The following NREP variants were observed in gnomAD, a reference collection of about 807,000 sequenced individuals.
The protein encoded by NREP is neuronal regeneration-related protein.
In NREP, 5 loss-of-function variants were observed where a neutral mutation model predicts 8.6. The ratio of observed to expected loss-of-function variants is 0.58; its 90% CI spans 0.30 to 1.22. NREP has a LOEUF of 1.22. Among genes scored for constraint, NREP ranks in the 50% most tolerant of loss-of-function variants. The probability of loss-of-function intolerance (pLI) is 0.07; values close to 1 mark genes in which losing one functional copy is unlikely to be tolerated. For missense variants in NREP, 86 were observed against 82.5 expected, an observed-to-expected ratio of 1.04 and a Z score of -0.17; for synonymous variants, 27 against 28.0, an observed-to-expected ratio of 0.96 and a Z score of 0.11.
chr5:111,790,727 G>A (rs1357514278), intron 2 of NREP, among the ~76,000 whole-genome samples: 1 of 151,986 alleles, frequency 6.6e-6, no homozygotes, highest in Non-Finnish European at 1.5e-5. Flanking sequence ...ACACAAGGTT[G>A]TCATTAAAAT....
chr5:111,803,668 T>C (rs1206706513), intron 2 of NREP, among the ~76,000 whole-genome samples: 2 of 152,212 alleles, frequency 1.3e-5, no homozygotes, highest in Admixed American at 6.5e-5. Context: ...AGCAAGAATA[T>C]TTAGCATAAT....
intron 2 of NREP, among the ~76,000 whole-genome samples, chr5:111,780,004 T>C (rs905855573): frequency 2.6e-5 from 4 of 152,204 alleles, no homozygotes; most frequent in Admixed American, 2.6e-4. Flanking sequence ...AAAACTTAAG[T>C]GGATAGTGCT....
chr5:111,821,014 C>T (rs1201452898), intron 2 of NREP, among the ~76,000 whole-genome samples: 2 of 152,272 alleles, frequency 1.3e-5, no homozygotes, highest in East Asian at 3.9e-4. Flanking sequence ...CCCAGTCTTT[C>T]AGATTTCAGT....
At chr5:111,823,491 T>C (rs1042106342) in intron 2 of NREP, among the ~76,000 whole-genome samples, 2 of 152,208 alleles carry the variant, frequency 1.3e-5, no homozygotes, top group African/African-American at 4.8e-5. Context: ...AATATACTTT[T>C]TCCCTAAGAA....
intron 2 of NREP, among the ~76,000 whole-genome samples, chr5:111,959,838 G>A (rs984079667): frequency 9.9e-5 from 15 of 151,918 alleles, no homozygotes; most frequent in Non-Finnish European, 1.9e-4. Flanking sequence ...TTTTCAAGCT[G>A]TATATTGTGG....
chr5:111,887,225 A>G (rs1007837300), intron 2 of NREP, among the ~76,000 whole-genome samples: 14 of 152,134 alleles, frequency 9.2e-5, no homozygotes, highest in African/African-American at 3.1e-4. Context: ...TGCCCAGTGT[A>G]CATAAACCTT....
intron 2 of NREP, among the ~76,000 whole-genome samples, chr5:111,792,493 T>C (rs1298473953): frequency 6.6e-6 from 1 of 152,192 alleles, no homozygotes; most frequent in Non-Finnish European, 1.5e-5. Context: ...ATAAAAAATA[T>C]ATGGTTTGAT....
chr5:111,856,254 T>A (rs1315696405), intron 2 of NREP, among the ~76,000 whole-genome samples: 3 of 152,254 alleles, frequency 2.0e-5, no homozygotes, highest in Admixed American at 1.3e-4. Context: ...CTTTACAGAA[T>A]AATTACTGAT....
intron 2 of NREP, among the ~76,000 whole-genome samples, chr5:111,899,682 G>T (rs1308271872): frequency 6.6e-6 from 1 of 152,036 alleles, no homozygotes; most frequent in African/African-American, 2.4e-5. Flanking sequence ...CTAACCATAT[G>T]CTGCCTACAA....
chr5:111,956,120 T>A (rs370376385), intron 2 of NREP, among the ~76,000 whole-genome samples: 1 of 152,018 alleles, frequency 6.6e-6, no homozygotes, highest in Non-Finnish European at 1.5e-5. Flanking sequence ...CCTCTACAGA[T>A]TGGGTAGATA....
At chr5:111,808,052 C>G (rs1752180474) in intron 2 of NREP, among the ~76,000 whole-genome samples, 1 of 152,194 alleles carries the variant, frequency 6.6e-6, no homozygotes, top group Non-Finnish European at 1.5e-5. Context: ...CTCAATAGTT[C>G]TGTAGTCTTT....
chr5:111,975,593 A>G (rs1756940292), intron 1 of NREP, among the ~76,000 whole-genome samples: 1 of 152,214 alleles, frequency 6.6e-6, no homozygotes, highest in African/African-American at 2.4e-5. Flanking sequence ...GGTACTTTAG[A>G]AAGGGGTGTG....
intron 2 of NREP, among the ~76,000 whole-genome samples, chr5:111,884,544 T>C (rs1023990813): frequency 1.1e-4 from 16 of 151,094 alleles, no homozygotes; most frequent in African/African-American, 3.6e-4. Context: ...TAGATCAATA[T>C]CCTTGATGAA....
chr5:111,958,861 C>G (rs2112648969), intron 2 of NREP, among the ~76,000 whole-genome samples: 1 of 151,986 alleles, frequency 6.6e-6, no homozygotes. Flanking sequence ...GAAGTTTGTG[C>G]TACCACATAG....
chr5:111,861,447 T>A (rs1175292553), intron 2 of NREP, among the ~76,000 whole-genome samples: 1 of 152,158 alleles, frequency 6.6e-6, no homozygotes, highest in African/African-American at 2.4e-5. Context: ...TTCAGGAAAG[T>A]CTTCCTTGAT....
chr5:111,884,407 T>C (rs1561709715), intron 2 of NREP, among the ~76,000 whole-genome samples: 1 of 152,010 alleles, frequency 6.6e-6, no homozygotes, highest in Non-Finnish European at 1.5e-5. Flanking sequence ...AAGGAGGAAC[T>C]GGTACCATTC....
intron 2 of NREP, among the ~76,000 whole-genome samples, chr5:111,959,813 A>G (rs1756432551): frequency 6.6e-6 from 1 of 152,084 alleles, no homozygotes; most frequent in Non-Finnish European, 1.5e-5. Context: ...ATGTATATAC[A>G]CCATACAGCA....
rs113619019 is a variant in NREP at position 111,921,735 on chromosome 5, C to A, written c.135+53539G>T. ...GATATGGTTTGGCTGTGTCCCCATT[C>A]AAATCTCAACTTGAATTGTATCCCC... On this transcript the variant is annotated intron_variant, in intron 2 of 3. Coordinates refer to the NREP transcript ENST00000395634. Among the ~76,000 whole-genome samples the A allele has an allele frequency of 1.9e-3, 294 of 152,268 alleles. 3 individuals carry two copies. Among genetic ancestry groups the A allele is most frequent in the African/African-American group, 6.9e-3 (286 of 41,576 alleles).
rs58877839 is a variant in NREP at position 111,964,855 on chromosome 5, C to CAAAAAAAAAAAAAAAAAAAAAAAAAAA, written c.135+10392_135+10418dup. Among the ~76,000 whole-genome samples the CAAAAAAAAAAAAAAAAAAAAAAAAAAA allele has an allele frequency of 6.7e-5, 3 of 44,888 alleles. 1 individual carries two copies. Among genetic ancestry groups the CAAAAAAAAAAAAAAAAAAAAAAAAAAA allele is most frequent in the African/African-American group, 1.9e-4 (3 of 15,740 alleles). The allele number at this position is 44,888 out of a possible 152,430, so 29.4% of individuals were successfully genotyped here. On this transcript the variant is annotated intron_variant, in intron 2 of 3. Transcript: ENST00000395634. Reference sequence around the variant, plus strand: ...AGTCTACTTAGAATGCTTTCAGCAGCAAAAAAAAAAAAAAAAAAAAAAAAA... The same window carrying CAAAAAAAAAAAAAAAAAAAAAAAAAAA: ...AGTCTACTTAGAATGCTTTCAGCAGCAAAAAAAAAAAAAAAAAAAAAAAAAAAAAAAAAAAAAAAAAAAAAAAAAAAA...
Sources: gnomAD v4.1 joint callset for allele counts (sites outside exome capture counted in the v4.1 genomes callset) on GRCh38, gnomAD v4.1.1 for gene constraint, MANE v1.5 for transcripts, NCBI Gene and HGNC (gene_info 2026-07-23, HGNC 2026-07-21) for gene names.